RGS7: variants seen among roughly 807,000 people sequenced by gnomAD.
RGS7 encodes regulator of G-protein signaling 7.
A neutral mutation model predicts 81.1 loss-of-function variants in RGS7; 27 were observed. The ratio of observed to expected loss-of-function variants is 0.33; its 90% CI spans 0.25 to 0.46. The LOEUF (loss-of-function observed/expected upper bound fraction) is 0.46. RGS7 is among the 20% of genes least tolerant of loss of function. RGS7 has a pLI of 1.00. For missense variants in RGS7, 396 were observed against 607.4 expected (o/e 0.65, Z 3.66); for synonymous variants, 208 against 207.7 (o/e 1.00, Z -0.01).
At chr1:241,185,245 A>C (rs2071989675) in intron 2 of RGS7, among the ~76,000 whole-genome samples, 1 of 152,148 alleles carries the variant, frequency 6.6e-6, no homozygotes, top group Non-Finnish European at 1.5e-5. Flanking sequence ...AATAAACAGA[A>C]ATTTCTATTG....
At chr1:240,841,383 G>C (rs925237151) in intron 9 of RGS7, among the ~76,000 whole-genome samples, 21 of 152,086 alleles carry the variant, frequency 1.4e-4, no homozygotes, top group Non-Finnish European at 2.2e-4. Context: ...TTCTTTACCC[G>C]GGTGTGCAAT....
intron 2 of RGS7, among the ~76,000 whole-genome samples, chr1:241,191,776 T>C (rs1466536298): frequency 6.6e-6 from 1 of 152,244 alleles, no homozygotes; most frequent in African/African-American, 2.4e-5. Flanking sequence ...AGTTCCTTAA[T>C]AGTCATAGGG....
intron 3 of RGS7, among the ~76,000 whole-genome samples, chr1:241,004,834 C>G (rs75385393): frequency 0.055 from 8,437 of 152,210 alleles, 777 homozygotes; most frequent in African/African-American, 0.19. Context: ...TTTATGACTA[C>G]TTTTACGGCT....
At chr1:241,160,110 C>CAAAAAAAAAAAAAAAAAAAAAAAAAA (rs369734662) in intron 2 of RGS7, among the ~76,000 whole-genome samples, 1 of 56,158 alleles carries the variant, frequency 1.8e-5, no homozygotes, top group Non-Finnish European at 3.5e-5. Context: ...GACTCCATCT[C>CAAAAAAAAAAAAAAAAAAAAAAAAAA]AAAAAAAAAA....
chr1:241,299,330 G>C (rs1247549024), intron 2 of RGS7, among the ~76,000 whole-genome samples: 1 of 151,744 alleles, frequency 6.6e-6, no homozygotes, highest in African/African-American at 2.4e-5. Flanking sequence ...CATATCTTGT[G>C]TGCCTCCTAG....
intron 14 of RGS7, among the ~76,000 whole-genome samples, chr1:240,806,891 A>G (rs4098740): frequency 0.52 from 78,828 of 151,988 alleles, 23,224 homozygotes; most frequent in Non-Finnish European, 0.66. Context: ...GAGTTAAAAG[A>G]GGCCTGGACA....
chr1:241,194,477 T>A lies in RGS7; in HGVS notation c.79-95715A>T, dbSNP rs111510364. Reference sequence around the variant, plus strand: ...TAACTAAAAGCTATATTCTAACAAGTCGGCGATGGAGCCTCCAACTTTCTC... The same window carrying A: ...TAACTAAAAGCTATATTCTAACAAGACGGCGATGGAGCCTCCAACTTTCTC... On this transcript the variant is annotated intron_variant, in intron 2 of 18. Transcript: ENST00000440928. 2.0e-3 allele frequency among the ~76,000 whole-genome samples: 302 copies of A among 152,308 alleles called. 2 individuals are homozygous for A. Among genetic ancestry groups the A allele is most frequent in the Middle Eastern group, 6.8e-3 (2 of 294 alleles).
intron 2 of RGS7, among the ~76,000 whole-genome samples, chr1:241,179,843 A>G (rs1211090086): frequency 1.4e-5 from 2 of 144,200 alleles, no homozygotes; most frequent in Non-Finnish European, 3.1e-5. Flanking sequence ...GCAAATATAC[A>G]TAAAATCATA....
intron 18 of RGS7, among the ~76,000 whole-genome samples, chr1:240,784,144 G>C (rs1684629048): frequency 6.7e-6 from 1 of 150,362 alleles, no homozygotes; most frequent in Non-Finnish European, 1.5e-5. Context: ...CCAAGATTGT[G>C]CCATTGCACT....
At chr1:241,225,404 A>T (rs757045117) in intron 2 of RGS7, among the ~76,000 whole-genome samples, 1 of 152,354 alleles carries the variant, frequency 6.6e-6, no homozygotes, top group East Asian at 1.9e-4. Context: ...TGCTGATAGC[A>T]TAAGAGCTTT....
intron 4 of RGS7, among the ~76,000 whole-genome samples, chr1:240,952,871 A>C (rs1679794576): frequency 6.6e-6 from 1 of 152,034 alleles, no homozygotes; most frequent in South Asian, 2.1e-4. Flanking sequence ...ACTAATCAAA[A>C]TCTTTTGAAA....
intron 3 of RGS7, among the ~76,000 whole-genome samples, chr1:241,039,040 T>C (rs2060474608): frequency 6.6e-6 from 1 of 151,752 alleles, no homozygotes; most frequent in African/African-American, 2.4e-5. Context: ...AAGGAGAGAA[T>C]GTACCACAAT....
chr1:241,183,936 C>T (rs2071862823), intron 2 of RGS7, among the ~76,000 whole-genome samples: 8 of 152,102 alleles, frequency 5.3e-5, no homozygotes. Flanking sequence ...ACAGCAGCAG[C>T]TAAAGGAAGT....
At chr1:240,786,937 T>C (rs1036523916) in intron 18 of RGS7, among the ~76,000 whole-genome samples, 4 of 152,192 alleles carry the variant, frequency 2.6e-5, no homozygotes, top group Admixed American at 2.6e-4. Context: ...GGGTTTTTTT[T>C]AGGATTAAAC....
chr1:241,315,373 A>G (rs552566660), intron 2 of RGS7, among the ~76,000 whole-genome samples: 2 of 152,138 alleles, frequency 1.3e-5, no homozygotes, highest in South Asian at 4.2e-4. Context: ...ATCTGATAAT[A>G]GCTAATCCCT....
At chr1:241,321,976 T>G (rs2081239306) in intron 2 of RGS7, among the ~76,000 whole-genome samples, 1 of 152,182 alleles carries the variant, frequency 6.6e-6, no homozygotes, top group Non-Finnish European at 1.5e-5. Flanking sequence ...GACTCTGTGT[T>G]GTTCTCTGAG....
intron 3 of RGS7, among the ~76,000 whole-genome samples, chr1:241,057,433 C>T (rs2061527393): frequency 6.6e-6 from 1 of 152,132 alleles, no homozygotes; most frequent in Admixed American, 6.5e-5. Context: ...ATCAGTTAAT[C>T]TTTGCAAAAA....
intron 2 of RGS7, among the ~76,000 whole-genome samples, chr1:241,261,467 A>T (rs1207078439): frequency 1.3e-5 from 2 of 151,966 alleles, no homozygotes; most frequent in African/African-American, 4.8e-5. Flanking sequence ...TAAAAAATAA[A>T]AAAAAAAGAA....
chr1:241,018,492 GTTTGTTTTGTT>G (rs2059380179), intron 3 of RGS7, among the ~76,000 whole-genome samples: 1 of 151,924 alleles, frequency 6.6e-6, no homozygotes, highest in South Asian at 2.1e-4. Context: ...TTCCTCTAGT[GTTTGTTTTGTT>G]TTTGTTTTTG....
Sources: gnomAD v4.1 joint callset for allele counts (sites outside exome capture counted in the v4.1 genomes callset) on GRCh38, gnomAD v4.1.1 for gene constraint, MANE v1.5 for transcripts, NCBI Gene and HGNC (gene_info 2026-07-23, HGNC 2026-07-21) for gene names.